TVP23A: variants seen among roughly 807,000 people sequenced by gnomAD.
TVP23A encodes trans-golgi network vesicle protein 23 homolog A.
A neutral mutation model predicts 31.7 loss-of-function variants in TVP23A; 21 were observed. The ratio of observed to expected loss-of-function variants is 0.66; its 90% confidence interval spans 0.47 to 0.95. The LOEUF is 0.95. Among genes scored for constraint, TVP23A ranks in the 40% least tolerant of loss-of-function variants. TVP23A has a pLI of 0.00. For missense variants in TVP23A, 279 were observed against 255.6 expected (o/e 1.09, Z -0.62); for synonymous variants, 104 against 96.0 (o/e 1.08, Z -0.49).
chr16:10,767,935 G>C lies in TVP23A; in HGVS notation c.*1167C>G, dbSNP rs758741535. The stretch of plus-strand genomic sequence containing the variant: ...TCTTGGACTGAATTGTCTTCCGTTT[G>C]TTTCTTTTTTAAGGTAAGAATTGTG... On this transcript the variant is annotated 3_prime_UTR_variant, in exon 8 of 8. Transcript: ENST00000299866. This position sits in a 1 kb window ranked among gnomAD's most constrained non-coding sequence, Gnocchi z 4.6. 6.2e-7 allele frequency: 1 copy of C among 1,613,482 alleles called. No individual in the cohort carries two copies. Among genetic ancestry groups the C allele is most frequent in the Non-Finnish European group, 8.5e-7 (1 of 1,179,576 alleles).
rs1347852170 is a variant in TVP23A at position 10,767,593 on chromosome 16, A to C, written c.*1509T>G. 2 of 454,432 alleles carry C rather than the reference A, an allele frequency of 4.4e-6. No homozygotes were observed. The highest frequency in any genetic ancestry group is 2.0e-5 in the African/African-American group (1 of 50,072). 28.1% of individuals were successfully genotyped at this position (454,432 alleles called of 1,614,324 possible). A position where few individuals can be genotyped will look rare whatever the true frequency, so the allele number is the denominator to read the frequency against. ...GGCCTTTTATGCCATATCCTTTTGC[A>C]TTCTGTACTTTTTTTAACCATGTGC... On this transcript the variant is annotated 3_prime_UTR_variant, in exon 8 of 8. Coordinates refer to ENST00000299866, the MANE Select transcript of TVP23A (RefSeq NM_001079512.4). This position sits in a 1 kb window ranked among gnomAD's most constrained non-coding sequence, Gnocchi z 4.6.
rs575259066 is a variant in TVP23A at position 10,777,434 on chromosome 16, G to A, written c.90-2338C>T. On this transcript the variant is annotated intron_variant, in intron 2 of 7. Transcript: ENST00000299866. This position sits in a 1 kb window ranked among gnomAD's most constrained non-coding sequence, Gnocchi z 4.5. ...TTTGGAAAATGCGGGGCCGAATGGGGTGGTCACAGAGATCCACACAGAACT... is the reference window on the plus strand; with the variant it reads ...TTTGGAAAATGCGGGGCCGAATGGGATGGTCACAGAGATCCACACAGAACT... 1.2e-4 allele frequency among the ~76,000 whole-genome samples: 18 copies of A among 149,088 alleles called. No individual in the cohort carries two copies. Among genetic ancestry groups the A allele is most frequent in the African/African-American group, 4.2e-4 (17 of 40,722 alleles).
At chr16:10,785,800 A>G (rs112103205) in intron 2 of TVP23A, among the ~76,000 whole-genome samples, 2,145 of 152,326 alleles carry the variant, frequency 0.014, 52 homozygotes, top group African/African-American at 0.049. Context: ...TGTGGAGACC[A>G]GAACTCTGAG....
rs561653778 is a variant in TVP23A at position 10,779,533 on chromosome 16, G to A, written c.90-4437C>T. ...CTCCGCCCTCCCAGGCACCAACCTG[G>A]GAGGTTGCCCCTTGAGAGGCAAACA... is the stretch of plus-strand genomic sequence containing the variant. On this transcript the variant is annotated intron_variant, in intron 2 of 7. Transcript: ENST00000299866. This position sits in a 1 kb window ranked among gnomAD's most constrained non-coding sequence, Gnocchi z 4.9. 1.3e-5 allele frequency among the ~76,000 whole-genome samples: 2 copies of A among 152,288 alleles called. No homozygotes were observed. Among genetic ancestry groups the A allele is most frequent in the South Asian group, 4.1e-4 (2 of 4,830 alleles).
rs144514486 is a variant in TVP23A at position 10,773,122 on chromosome 16, C to T, written c.453+191G>A. On this transcript the variant is annotated intron_variant, in intron 5 of 7. Transcript: ENST00000299866. ...CCTCCCAAAGGCCTGGGATTATAGG[C>T]GTAAGCCACCATGCCAAGCCCCTAA... Among the ~76,000 whole-genome samples the T allele has an allele frequency of 7.2e-5, 11 of 152,298 alleles. No homozygotes were observed. In the East Asian group the frequency reaches 1.9e-3, roughly 27 times the overall value.
downstream of TVP23A, among the ~76,000 whole-genome samples, chr16:10,758,989 G>A (rs954412488): frequency 3.3e-5 from 5 of 152,180 alleles, no homozygotes; most frequent in Non-Finnish European, 7.3e-5. Flanking sequence ...CTGAGAAACT[G>A]AGGGCTCTTC....
In TVP23A at chr16:10,818,616, G is replaced by T; in HGVS notation, c.-123C>A. The T allele has an allele frequency of 7.8e-7, 1 of 1,276,128 alleles. No homozygotes were observed. The highest frequency in any genetic ancestry group is 1.0e-6 in the Non-Finnish European group (1 of 956,060). 79.1% of individuals were successfully genotyped at this position (1,276,128 alleles called of 1,614,324 possible). A position where few individuals can be genotyped will look rare whatever the true frequency, so the allele number is the denominator to read the frequency against. On this transcript the variant is annotated 5_prime_UTR_variant, in exon 1 of 8. Coordinates refer to ENST00000299866, the MANE Select transcript of TVP23A (RefSeq NM_001079512.4). The surrounding 1 kb of genome is among the most constrained non-coding windows in gnomAD (Gnocchi z 4.7). ...CAGACGGTGGACGCTGAGGGTCGGG[G>T]CCTGCGCCCTGTGGGGCAGCCTCAG...
intron 7 of TVP23A, 75 bp from the exon 8 acceptor site, chr16:10,769,176 C>T (rs939837291): frequency 1.1e-5 from 15 of 1,424,676 alleles, no homozygotes; most frequent in East Asian, 2.3e-5. Flanking sequence ...CAGCCAGACC[C>T]GACCAGCTCC....
chr16:10,792,121 G>A (rs917850367), intron 2 of TVP23A, among the ~76,000 whole-genome samples: 4 of 152,262 alleles, frequency 2.6e-5, no homozygotes, highest in East Asian at 3.9e-4. Flanking sequence ...GTCCACCTCC[G>A]GCTGGATTTT....
At chr16:10,795,471 G>A (rs570359146) in intron 2 of TVP23A, among the ~76,000 whole-genome samples, 74 of 152,010 alleles carry the variant, frequency 4.9e-4, no homozygotes, top group African/African-American at 1.4e-3. Context: ...GGCTAGTCTC[G>A]AACTCCTGAC....
chr16:10,802,055 C>A (rs2033718002), intron 2 of TVP23A, among the ~76,000 whole-genome samples: 1 of 151,508 alleles, frequency 6.6e-6, no homozygotes, highest in Admixed American at 6.6e-5. Flanking sequence ...GGCAAGTGGG[C>A]ATGATGTGTT....
At chr16:10,794,380 G>T (rs548477918) in intron 2 of TVP23A, among the ~76,000 whole-genome samples, 1 of 152,110 alleles carries the variant, frequency 6.6e-6, no homozygotes, top group Non-Finnish European at 1.5e-5. Flanking sequence ...TGGATTAGGG[G>T]CCTGCCCTAC....
rs566654502 is a variant in TVP23A, at chr16:10,773,198, A to T, written c.453+115T>A. ...TATGGAATGTGTATTATATCTCAAT[A>T]AACTTGTTATAATTGATCAATCAAT... On this transcript the variant is annotated intron_variant, in intron 5 of 7. Coordinates refer to ENST00000299866, the MANE Select transcript of TVP23A (RefSeq NM_001079512.4). 2.2e-6 allele frequency: 3 copies of T among 1,341,946 alleles called. No individual in the cohort carries two copies. The African/African-American group carries it at 4.4e-5, about 20-fold the overall frequency. 83.1% of individuals were successfully genotyped at this position (1,341,946 alleles called of 1,614,324 possible).
intron 2 of TVP23A, among the ~76,000 whole-genome samples, chr16:10,783,089 T>C: frequency 6.6e-6 from 1 of 151,930 alleles, no homozygotes; most frequent in East Asian, 1.9e-4. Context: ...GAGGGGGTAG[T>C]GATTGGGAAG....
intron 2 of TVP23A, among the ~76,000 whole-genome samples, chr16:10,811,670 C>T (rs1244048640): frequency 1.3e-5 from 2 of 151,780 alleles, no homozygotes; most frequent in Non-Finnish European, 2.9e-5. Flanking sequence ...TTTAGGAGGC[C>T]GAGGCGGGCG....
At chr16:10,816,580 C>T (rs867598448) in intron 2 of TVP23A, among the ~76,000 whole-genome samples, 21 of 152,158 alleles carry the variant, frequency 1.4e-4, no homozygotes, top group Admixed American at 7.2e-4. Context: ...GTGATCTGCC[C>T]GCCTTGGCCT....
In TVP23A at chr16:10,801,309, T is replaced by C. The variant is rs76432620; in HGVS notation, c.89+16794A>G. The stretch of plus-strand genomic sequence containing the variant: ...TCTCTGCCAAGAAGCATAACCTGGA[T>C]ATAATCAGGAGAAGCATCAGACAGA... On this transcript the variant is annotated intron_variant, in intron 2 of 7. Coordinates refer to ENST00000299866, the MANE Select transcript of TVP23A (RefSeq NM_001079512.4). 8.8e-3 allele frequency among the ~76,000 whole-genome samples: 1,335 copies of C among 152,266 alleles called. 25 individuals are homozygous for C. The highest frequency in any genetic ancestry group is 0.03 in the African/African-American group (1,261 of 41,532).
intron 5 of TVP23A, 117 bp downstream of exon 5, chr16:10,773,196 A>G: frequency 7.5e-7 from 1 of 1,340,110 alleles, no homozygotes; most frequent in Non-Finnish European, 1.0e-6. Context: ...TTATATCTCA[A>G]TAAACTTGTT....
Position 10,813,820 on chromosome 16 carries a change from A to G in TVP23A, c.89+4283T>C, listed in dbSNP as rs1268636447. Among the ~76,000 whole-genome samples the G allele has an allele frequency of 4.0e-5, 6 of 151,818 alleles. No individual in the cohort carries two copies. The East Asian group carries it at 1.2e-3, about 30-fold the overall frequency. Reference sequence around the variant, plus strand: ...CAGGAGTTCAAGCCTGGCCAACATGATGAAACCCTGTCTCTACTAAAAATA... The same window carrying G: ...CAGGAGTTCAAGCCTGGCCAACATGGTGAAACCCTGTCTCTACTAAAAATA... On this transcript the variant is annotated intron_variant, in intron 2 of 7. Coordinates refer to ENST00000299866, the MANE Select transcript of TVP23A (RefSeq NM_001079512.4).
Sources: allele counts gnomAD v4.1 joint callset (sites outside exome capture counted in the v4.1 genomes callset), GRCh38; gene constraint gnomAD v4.1.1; non-coding constraint Gnocchi (gnomAD v3.1); transcripts MANE v1.5; gene names NCBI Gene and HGNC (gene_info 2026-07-23, HGNC 2026-07-21).